Variants in RABL3 observed in about 807,000 individuals in gnomAD.
The protein encoded by RABL3 is RAB, member of RAS oncogene family like 3.
In RABL3, 31 loss-of-function variants were observed where a neutral mutation model predicts 31.8. That is an observed-to-expected ratio of 0.97 (90% CI 0.73 to 1.31). The LOEUF is 1.31. Ranked by LOEUF, RABL3 falls within the 40% of genes most tolerant of loss-of-function variation. The pLI is 0.00. For synonymous variants in RABL3, 97 were observed against 99.9 expected, an observed-to-expected ratio of 0.97 and a Z score of 0.18; for missense variants, 263 against 279.6, an observed-to-expected ratio of 0.94 and a Z score of 0.42.
intron 4 of RABL3, among the ~76,000 whole-genome samples, chr3:120,701,625 A>G (rs1044782990): frequency 6.6e-6 from 1 of 152,192 alleles, no homozygotes; most frequent in African/African-American, 2.4e-5. Context: ...TAGGAAATAA[A>G]TATCAATGAG....
In RABL3 at chr3:120,718,053, A is replaced by C. The variant is rs76653782; in HGVS notation, c.139-8144T>G. Among the ~76,000 whole-genome samples, 92 of 152,218 alleles carry C rather than the reference A, an allele frequency of 6.0e-4. No homozygotes were observed. In the East Asian group the frequency reaches 0.017, roughly 28 times the overall value. The stretch of plus-strand genomic sequence containing the variant: ...ATTGGTCTCTCATATTCTTATTCTC[A>C]GACTGCTTTTGCTTCCTCTACCCAT... On this transcript the variant is annotated intron_variant, in intron 2 of 7. Coordinates refer to ENST00000273375, the MANE Select transcript of RABL3 (RefSeq NM_173825.5).
intron 2 of RABL3, among the ~76,000 whole-genome samples, chr3:120,726,658 C>T (rs1405217690): frequency 1.1e-4 from 16 of 151,962 alleles, no homozygotes; most frequent in African/African-American, 3.1e-4. Context: ...GGAGGAGAAT[C>T]GCTTGAACCC....
At chr3:120,693,016 A>G (rs1708397851) in intron 6 of RABL3, among the ~76,000 whole-genome samples, 1 of 152,100 alleles carries the variant, frequency 6.6e-6, no homozygotes, top group Non-Finnish European at 1.5e-5. Context: ...GCTGCACAAC[A>G]TTTTTCATGT....
intron 1 of RABL3, among the ~76,000 whole-genome samples, chr3:120,736,855 T>G (rs930200422): frequency 6.6e-6 from 1 of 152,248 alleles, no homozygotes; most frequent in Non-Finnish European, 1.5e-5. Context: ...ATGTTGAATA[T>G]TGGTCCTCAC....
intron 2 of RABL3, among the ~76,000 whole-genome samples, chr3:120,724,522 G>A (rs1273213481): frequency 1.3e-5 from 2 of 152,174 alleles, no homozygotes; most frequent in Non-Finnish European, 2.9e-5. Context: ...GACAAAGCTG[G>A]AGGCATCACG....
chr3:120,729,749 C>T (rs1708860892), intron 2 of RABL3, among the ~76,000 whole-genome samples: 1 of 151,902 alleles, frequency 6.6e-6, no homozygotes, highest in African/African-American at 2.4e-5. Context: ...ATGAGTACAT[C>T]ATCCAGAAGG....
At chr3:120,742,680 C>T, upstream of RABL3, 1 of 650,470 alleles carries the variant, frequency 1.5e-6, no homozygotes, top group Middle Eastern at 2.6e-4. Flanking sequence ...GGTGCTTCCC[C>T]AGCTGGTCGC....
intron 1 of RABL3, among the ~76,000 whole-genome samples, chr3:120,740,354 T>C (rs1044050881): frequency 6.6e-6 from 1 of 152,190 alleles, no homozygotes; most frequent in African/African-American, 2.4e-5. Context: ...CTCAAATTCC[T>C]GGGCTCAAGT....
intron 2 of RABL3, among the ~76,000 whole-genome samples, chr3:120,721,425 G>C (rs1241972209): frequency 6.6e-6 from 1 of 152,064 alleles, no homozygotes; most frequent in Non-Finnish European, 1.5e-5. Context: ...GCTGTATTCA[G>C]GAAACCCATC....
chr3:120,734,264 C>T (rs1254987198), intron 1 of RABL3, among the ~76,000 whole-genome samples: 1 of 152,160 alleles, frequency 6.6e-6, no homozygotes, highest in Non-Finnish European at 1.5e-5. Context: ...TCCTTCACAT[C>T]CCTTGTAAGT....
At chr3:120,727,281 A>C (rs959209804) in intron 2 of RABL3, among the ~76,000 whole-genome samples, 1 of 152,160 alleles carries the variant, frequency 6.6e-6, no homozygotes, top group Non-Finnish European at 1.5e-5. Context: ...AAAAGCCACA[A>C]ATCATTCTAC....
At chr3:120,703,926 A>T (rs1708521504) in intron 4 of RABL3, among the ~76,000 whole-genome samples, 1 of 152,210 alleles carries the variant, frequency 6.6e-6, no homozygotes, top group South Asian at 2.1e-4. Flanking sequence ...AAACCTTTCA[A>T]ATAAGAAACC....
chr3:120,710,224 T>G (rs1238295970), intron 2 of RABL3: 1 of 178,988 alleles, frequency 5.6e-6, no homozygotes, highest in East Asian at 1.5e-4. Context: ...CTGACAAAAT[T>G]CCACTCTTGG....
chr3:120,733,048 C>A (rs1437762546), intron 1 of RABL3, among the ~76,000 whole-genome samples: 1 of 152,122 alleles, frequency 6.6e-6, no homozygotes, highest in Non-Finnish European at 1.5e-5. Context: ...TTTATAGCAG[C>A]ATGATTTATA....
chr3:120,691,605 T>C (rs754883607), intron 6 of RABL3, among the ~76,000 whole-genome samples: 95 of 152,218 alleles, frequency 6.2e-4, no homozygotes, highest in Non-Finnish European at 3.7e-4. Flanking sequence ...TTGGGTGTAA[T>C]AAATGTATTT....
Position 120,725,714 on chromosome 3 carries a change from A to G in RABL3, c.138+4982T>C, listed in dbSNP as rs1198540865. ...TCGCAAGGACAAAAAACCAAACACC[A>G]CATGTTCTCACTCATAGGTGGGAAT... On this transcript the variant is annotated intron_variant, in intron 2 of 7. Coordinates refer to ENST00000273375, the MANE Select transcript of RABL3 (RefSeq NM_173825.5). Among the ~76,000 whole-genome samples the G allele has an allele frequency of 3.4e-4, 51 of 152,198 alleles. 1 individual carries two copies. Among genetic ancestry groups the G allele is most frequent in the Admixed American group, 3.0e-3 (46 of 15,276 alleles).
chr3:120,719,033 A>G (rs997875987), intron 2 of RABL3, among the ~76,000 whole-genome samples: 5 of 152,234 alleles, frequency 3.3e-5, no homozygotes, highest in African/African-American at 7.2e-5. Flanking sequence ...AGATTATAAT[A>G]CTTATTCCTT....
intron 6 of RABL3, 120 bp from the exon 7 acceptor site, chr3:120,690,607 T>G (rs971893744): frequency 1.5e-6 from 1 of 667,172 alleles, no homozygotes; most frequent in Non-Finnish European, 2.7e-6. Context: ...TCCATAGCAG[T>G]AGACATGTAG....
At chr3:120,714,461 C>T (rs1708645655) in intron 2 of RABL3, among the ~76,000 whole-genome samples, 1 of 152,152 alleles carries the variant, frequency 6.6e-6, no homozygotes, top group Admixed American at 6.6e-5. Flanking sequence ...ACTGCTGTCT[C>T]TTCACTTCCA....
Sources: allele counts gnomAD v4.1 joint callset (sites outside exome capture counted in the v4.1 genomes callset), GRCh38; gene constraint gnomAD v4.1.1; transcripts MANE v1.5; gene names NCBI Gene and HGNC (gene_info 2026-07-23, HGNC 2026-07-21).